Variants in ARL3 observed in about 807,000 individuals in gnomAD.
The protein encoded by ARL3 is ADP-ribosylation factor-like protein 3.
ARL3 carries 9 observed loss-of-function variants against 26.0 expected under a neutral mutation model. The observed-to-expected ratio is 0.35, with a 90% confidence interval of 0.21 to 0.60. The LOEUF (loss-of-function observed/expected upper bound fraction) is 0.60. Ranked by LOEUF, ARL3 falls within the 20% of genes least tolerant of loss-of-function variation. ARL3 has a pLI of 0.78. For missense variants in ARL3, 158 were observed against 215.7 expected (o/e 0.73, Z 1.67); for synonymous variants, 71 against 78.4 (o/e 0.91, Z 0.50).
chr10:102,710,026 T>C (rs984552936), intron 1 of ARL3, among the ~76,000 whole-genome samples: 1 of 151,584 alleles, frequency 6.6e-6, no homozygotes, highest in Non-Finnish European at 1.5e-5. Context: ...AGAGCTAGAC[T>C]GTTTCAAAAA....
At position 102,692,418 on chromosome 10, in the gene ARL3, CTT is replaced by C. The variant is rs144805980; in HGVS notation, c.265-2477_265-2476del. On this transcript the variant is annotated intron_variant, in intron 3 of 5. Transcript: ENST00000260746. ...CTATAGCTTTTGAAACATGTATACA[CTT>C]TTGTTTTTTTGTTGAGACGGAGTCT... Among the ~76,000 whole-genome samples, 657 of 152,308 alleles carry C rather than the reference CTT, an allele frequency of 4.3e-3. 6 individuals are homozygous for C. Among genetic ancestry groups the C allele is most frequent in the African/African-American group, 0.015 (632 of 41,556 alleles).
At chr10:102,688,768 G>T (rs989886726) in intron 4 of ARL3, among the ~76,000 whole-genome samples, 3 of 152,102 alleles carry the variant, frequency 2.0e-5, no homozygotes, top group African/African-American at 7.2e-5. Flanking sequence ...CTCCCAAAGG[G>T]CTGGGATTAC....
chr10:102,705,819 C>A (rs1368365413), intron 1 of ARL3, among the ~76,000 whole-genome samples: 1 of 152,108 alleles, frequency 6.6e-6, no homozygotes, highest in African/African-American at 2.4e-5. Flanking sequence ...GCAGAACATT[C>A]ATCATATCAA....
At chr10:102,685,644 G>A (rs1334616338) in intron 5 of ARL3, among the ~76,000 whole-genome samples, 172 bp downstream of exon 5, 1 of 152,132 alleles carries the variant, frequency 6.6e-6, no homozygotes, top group Non-Finnish European at 1.5e-5. Flanking sequence ...GGGCACTGTT[G>A]GGGCACCTCA....
intron 5 of ARL3, among the ~76,000 whole-genome samples, chr10:102,678,652 T>A (rs902586448): frequency 6.6e-6 from 1 of 152,228 alleles, no homozygotes; most frequent in African/African-American, 2.4e-5. Flanking sequence ...GCCCACACTA[T>A]GTGAATAGCG....
chr10:102,709,930 A>G (rs1202464694), intron 1 of ARL3, among the ~76,000 whole-genome samples: 1 of 151,992 alleles, frequency 6.6e-6, no homozygotes, highest in Non-Finnish European at 1.5e-5. Flanking sequence ...GCTACTTGGG[A>G]GGCTGAGGCA....
Position 102,685,994 on chromosome 10 carries a change from G to A in ARL3, c.323C>T (p.Ala108Val). 1.9e-6 allele frequency: 3 copies of A among 1,612,168 alleles called. No homozygotes were observed. Among genetic ancestry groups the A allele is most frequent in the Non-Finnish European group, 2.5e-6 (3 of 1,178,996 alleles). Residue 108 changes from alanine (A) to valine (V), a missense_variant, in exon 5 of 6, where the codon GCG (alanine) becomes GTG (valine). Ala to Val is a moderately conservative substitution (Grantham distance 64). Coordinates refer to ENST00000260746, the MANE Select transcript of ARL3 (RefSeq NM_004311.4). ...KRFEETGQEL[A>V]ELLEEEKLSC... ...TAGTTTTTCTTCCTCCAGTAATTCC[G>A]CTAGTTCCTGGATTTTGAGAAGGGA...
chr10:102,712,337 C>T (rs2064346904), intron 1 of ARL3, among the ~76,000 whole-genome samples: 1 of 152,162 alleles, frequency 6.6e-6, no homozygotes, highest in South Asian at 2.1e-4. Flanking sequence ...ACTTAAGTCA[C>T]ACGACTGACT....
At chr10:102,686,466 CTT>C (rs549382825) in intron 4 of ARL3, among the ~76,000 whole-genome samples, 36 of 123,908 alleles carry the variant, frequency 2.9e-4, no homozygotes, top group Non-Finnish European at 3.3e-4. Flanking sequence ...TTTTTTCTTT[CTT>C]TTTTTTTTTT....
rs538154016 is a variant in ARL3 at position 102,703,782 on chromosome 10, A to C, written c.147+1564T>G. Among the ~76,000 whole-genome samples, 17 of 151,890 alleles carry C rather than the reference A, an allele frequency of 1.1e-4. No individual in the cohort carries two copies. In the East Asian group the frequency reaches 1.2e-3, roughly 10 times the overall value. ...AAACCTCCACGCTGTGAGCACTATC[A>C]TTCCCTTATCCTTTATGCTTTGCTT... On this transcript the variant is annotated intron_variant, in intron 2 of 5. Transcript: ENST00000260746.
chr10:102,696,076 G>A (rs1261718252), intron 3 of ARL3, among the ~76,000 whole-genome samples: 1 of 151,224 alleles, frequency 6.6e-6, no homozygotes, highest in East Asian at 2.0e-4. Context: ...CCATTCTCCT[G>A]CCTCAGCCTC....
chr10:102,689,095 G>C (rs987405326), intron 4 of ARL3, among the ~76,000 whole-genome samples: 16 of 152,154 alleles, frequency 1.1e-4, no homozygotes, highest in African/African-American at 3.9e-4. Flanking sequence ...GGCTGAGGTG[G>C]GTGGATCATC....
chr10:102,708,908 A>ATATATATATATATATATTTTTT, intron 1 of ARL3, among the ~76,000 whole-genome samples: 7 of 95,322 alleles, frequency 7.3e-5, no homozygotes, highest in African/African-American at 2.9e-4. Context: ...ATATATATAT[A>ATATATATATATATATATTTTTT]TTTTTTTTTT....
At chr10:102,681,630 C>T (rs377760145) in intron 5 of ARL3, among the ~76,000 whole-genome samples, 7 of 151,822 alleles carry the variant, frequency 4.6e-5, no homozygotes, top group Admixed American at 3.9e-4. Flanking sequence ...AGGAGAGGAA[C>T]GTGGGGCAGA....
In ARL3 at chr10:102,687,309, C is replaced by A. The variant is rs539673865; in HGVS notation, c.316-1308G>T. 8.5e-5 allele frequency among the ~76,000 whole-genome samples: 13 copies of A among 152,124 alleles called. No individual in the cohort carries two copies. In the South Asian group the frequency reaches 2.7e-3, roughly 32 times the overall value. ...AGTGCAGTGGTGCGATCACAGCTTA[C>A]TGCAGGCTCAACCTCCTGGGCTCAA... On this transcript the variant is annotated intron_variant, in intron 4 of 5. Coordinates refer to ENST00000260746, the MANE Select transcript of ARL3 (RefSeq NM_004311.4).
chr10:102,699,860 CA>C (rs1008823515), intron 2 of ARL3, among the ~76,000 whole-genome samples: 1 of 149,906 alleles, frequency 6.7e-6, no homozygotes, highest in Admixed American at 6.7e-5. Context: ...TAACTAACAA[CA>C]AAAAAAAAGC....
intron 3 of ARL3, among the ~76,000 whole-genome samples, chr10:102,692,785 T>G (rs768298181): frequency 1.5e-4 from 23 of 152,280 alleles, no homozygotes; most frequent in African/African-American, 5.3e-4. Flanking sequence ...CTTGGCTCAC[T>G]GCAAGCTCCA....
rs141021332 is a variant in ARL3, at chr10:102,709,542, G to A, written c.4-4053C>T. 3.5e-3 allele frequency among the ~76,000 whole-genome samples: 529 copies of A among 149,352 alleles called. 1 individual carries two copies. The highest frequency in any genetic ancestry group is 6.1e-3 in the Non-Finnish European group (410 of 67,670). On this transcript the variant is annotated intron_variant, in intron 1 of 5. Coordinates refer to ENST00000260746, the MANE Select transcript of ARL3 (RefSeq NM_004311.4). ...TGCACCTGCGGTTCCAGCTACTCAG[G>A]AGGCTGAGACAGAAGGATGGCTTGA...
At chr10:102,703,594 C>A (rs1281367778) in intron 2 of ARL3, among the ~76,000 whole-genome samples, 2 of 150,918 alleles carry the variant, frequency 1.3e-5, no homozygotes, top group African/African-American at 4.9e-5. Context: ...CAGGTGCCCA[C>A]TGCCACGCCC....
Sources: allele counts gnomAD v4.1 joint callset (sites outside exome capture counted in the v4.1 genomes callset), GRCh38; gene constraint gnomAD v4.1.1; transcripts MANE v1.5; gene names NCBI Gene and HGNC (gene_info 2026-07-23, HGNC 2026-07-21).